Variants in PPP1R14C observed in about 807,000 individuals in gnomAD.
PPP1R14C encodes the protein protein phosphatase 1 regulatory subunit 14C.
Under a neutral mutation model 20.4 loss-of-function variants are expected in PPP1R14C, and 16 were observed. The ratio of observed to expected loss-of-function variants is 0.78; its 90% confidence interval spans 0.53 to 1.19. The LOEUF is 1.19. Among genes scored for constraint, PPP1R14C ranks in the 50% most tolerant of loss-of-function variants. The pLI, the probability that PPP1R14C is intolerant of heterozygous loss-of-function variation, is 0.00. For synonymous variants in PPP1R14C, 91 were observed against 91.0 expected, an observed-to-expected ratio of 1.00 and a Z score of 0.00; for missense variants, 211 against 220.1, an observed-to-expected ratio of 0.96 and a Z score of 0.26.
chr6:150,182,341 A>G (rs1241514706), intron 1 of PPP1R14C, among the ~76,000 whole-genome samples: 1 of 152,142 alleles, frequency 6.6e-6, no homozygotes, highest in East Asian at 1.9e-4. Context: ...AACAATATAG[A>G]TGTGTTTCTC....
chr6:150,223,453 T>A (rs1778193531), intron 3 of PPP1R14C, among the ~76,000 whole-genome samples: 1 of 152,264 alleles, frequency 6.6e-6, no homozygotes. Flanking sequence ...TGTACCATTT[T>A]GCATTCTCAC....
At chr6:150,230,511 G>A (rs538878031) in intron 3 of PPP1R14C, among the ~76,000 whole-genome samples, 5 of 152,184 alleles carry the variant, frequency 3.3e-5, no homozygotes, top group South Asian at 2.1e-4. Flanking sequence ...TTTCTCTCCC[G>A]TCCCCCCACC....
chr6:150,213,393 A>ACTATTACTG (rs1778052767), intron 1 of PPP1R14C, among the ~76,000 whole-genome samples: 1 of 151,482 alleles, frequency 6.6e-6, no homozygotes, highest in Non-Finnish European at 1.5e-5. Flanking sequence ...GAGGTTGAGT[A>ACTATTACTG]CTATTACTGA....
intron 1 of PPP1R14C, among the ~76,000 whole-genome samples, chr6:150,182,090 T>A (rs1226985751): frequency 6.6e-6 from 1 of 151,910 alleles, no homozygotes; most frequent in African/African-American, 2.4e-5. Flanking sequence ...CTTAATCTTG[T>A]CATTTGACTA....
At chr6:150,207,665 A>G (rs1760334430) in intron 1 of PPP1R14C, among the ~76,000 whole-genome samples, 1 of 152,270 alleles carries the variant, frequency 6.6e-6, no homozygotes, top group Non-Finnish European at 1.5e-5. Context: ...AATATGTCTT[A>G]AAATGTCTAT....
chr6:150,166,006 C>A (rs1015528533), intron 1 of PPP1R14C, among the ~76,000 whole-genome samples: 1 of 151,804 alleles, frequency 6.6e-6, no homozygotes. Context: ...AGTGCCAGTA[C>A]ACCAGATCGC....
chr6:150,152,644 G>T lies in PPP1R14C; in HGVS notation c.306+9146G>T, dbSNP rs187145436. On this transcript the variant is annotated intron_variant, in intron 1 of 3. Transcript: ENST00000361131. The stretch of plus-strand genomic sequence containing the variant: ...GCACCTGTTCTTAGCCTGGTACTTG[G>T]CAGTGCCTTCCCAGGAGCTTCTCTG... Among the ~76,000 whole-genome samples, 13 of 152,160 alleles carry T rather than the reference G, an allele frequency of 8.5e-5. No homozygotes were observed. The East Asian group carries it at 2.5e-3, about 29-fold the overall frequency.
At chr6:150,175,323 C>T (rs1404827259) in intron 1 of PPP1R14C, among the ~76,000 whole-genome samples, 1 of 152,206 alleles carries the variant, frequency 6.6e-6, no homozygotes, top group Non-Finnish European at 1.5e-5. Context: ...TGAGCTGGGT[C>T]TCTTGGATCT....
At chr6:150,187,247 CTG>C (rs61153538) in intron 1 of PPP1R14C, among the ~76,000 whole-genome samples, 8,837 of 141,420 alleles carry the variant, frequency 0.062, 460 homozygotes, top group African/African-American at 0.13. Flanking sequence ...TTCTCTTTCT[CTG>C]TGTGTGTGTG....
chr6:150,223,978 T>G (rs1778200405), intron 3 of PPP1R14C, among the ~76,000 whole-genome samples: 1 of 152,246 alleles, frequency 6.6e-6, no homozygotes, highest in Admixed American at 6.5e-5. Context: ...GATTTATAGT[T>G]TTGCACTTTA....
At chr6:150,247,285 TACTG>T (rs1466420449) in intron 3 of PPP1R14C, among the ~76,000 whole-genome samples, 1 of 152,218 alleles carries the variant, frequency 6.6e-6, no homozygotes, top group Non-Finnish European at 1.5e-5. Context: ...TTCTGTCACT[TACTG>T]ACTGTCGCTT....
chr6:150,156,024 C>CA (rs67908012), intron 1 of PPP1R14C, among the ~76,000 whole-genome samples: 703 of 38,362 alleles, frequency 0.018, 45 homozygotes, highest in African/African-American at 0.024. Flanking sequence ...GACTCTGTCT[C>CA]AAAAAAAAAA....
chr6:150,193,228 T>G (rs1273101120), intron 1 of PPP1R14C, among the ~76,000 whole-genome samples: 2 of 151,938 alleles, frequency 1.3e-5, no homozygotes, highest in African/African-American at 4.8e-5. Flanking sequence ...GCTTGTTTAA[T>G]CAGCATCTCC....
intron 1 of PPP1R14C, among the ~76,000 whole-genome samples, chr6:150,202,468 G>A (rs1011825955): frequency 1.3e-5 from 2 of 152,180 alleles, no homozygotes; most frequent in Non-Finnish European, 2.9e-5. Context: ...CACCCTTGCC[G>A]TTCTTAGGTT....
intron 3 of PPP1R14C, 63 bp downstream of exon 3, chr6:150,216,919 AT>A (rs774741188): frequency 1.3e-4 from 178 of 1,361,604 alleles, no homozygotes; most frequent in Admixed American, 5.1e-4. Flanking sequence ...CAATTTGTCT[AT>A]TTTTAAAGCA....
chr6:150,214,786 C>G lies in PPP1R14C; in HGVS notation c.349C>G (p.Leu117Val). Residue 117 changes from leucine (L) to valine (V), a missense_variant, in exon 2 of 4, where the codon CTT (leucine) becomes GTT (valine). Coordinates refer to ENST00000361131, the MANE Select transcript of PPP1R14C (RefSeq NM_030949.3). ...GGTAGAAATTGACATTGATGATCTTCTTGATGCAGACAGTGATGAAGAGAG... is the reference window on the plus strand; with the variant it reads ...GGTAGAAATTGACATTGATGATCTTGTTGATGCAGACAGTGATGAAGAGAG... ...PEVEIDIDDL[L>V]DADSDEERAS... The G allele has an allele frequency of 6.2e-7, 1 of 1,613,150 alleles. No homozygotes were observed. Among genetic ancestry groups the G allele is most frequent in the South Asian group, 1.1e-5 (1 of 90,730 alleles).
At chr6:150,202,733 C>T (rs1021807619) in intron 1 of PPP1R14C, among the ~76,000 whole-genome samples, 4 of 152,214 alleles carry the variant, frequency 2.6e-5, no homozygotes, top group African/African-American at 9.6e-5. Context: ...GGACCTTTTG[C>T]CCAGCCCTCG....
chr6:150,164,818 C>A (rs1000241997), intron 1 of PPP1R14C: 22 of 152,204 alleles, frequency 1.4e-4, no homozygotes, highest in African/African-American at 5.1e-4. Context: ...ATGTTGGAAT[C>A]CTAAGCCCCA....
At chr6:150,182,236 A>G (rs935975516) in intron 1 of PPP1R14C, among the ~76,000 whole-genome samples, 4 of 152,172 alleles carry the variant, frequency 2.6e-5, no homozygotes, top group African/African-American at 9.7e-5. Context: ...TGGCCTCCCT[A>G]TTTCCAAGCT....
Sources: allele counts gnomAD v4.1 joint callset (sites outside exome capture counted in the v4.1 genomes callset), GRCh38; gene constraint gnomAD v4.1.1; transcripts MANE v1.5; gene names NCBI Gene and HGNC (gene_info 2026-07-23, HGNC 2026-07-21).